The following CFAP61 variants were observed in gnomAD, a reference collection of about 807,000 sequenced individuals.
CFAP61 encodes cilia- and flagella-associated protein 61.
CFAP61 carries 107 observed loss-of-function variants against 135.6 expected under a neutral mutation model. The ratio of observed to expected loss-of-function variants is 0.79; its 90% CI spans 0.67 to 0.93. The LOEUF (loss-of-function observed/expected upper bound fraction) is 0.93, where lower values mean the gene tolerates loss of function less well. Ranked by LOEUF, CFAP61 falls within the 40% of genes least tolerant of loss-of-function variation. The probability of loss-of-function intolerance (pLI) is 0.00; values close to 1 mark genes in which losing one functional copy is unlikely to be tolerated. For missense variants in CFAP61, 1,507 were observed against 1,556.2 expected, an observed-to-expected ratio of 0.97 and a Z score of 0.53; for synonymous variants, 575 against 578.5, an observed-to-expected ratio of 0.99 and a Z score of 0.09.
chr20:20,128,329 C>A lies in CFAP61; in HGVS notation c.860-14528C>A, dbSNP rs902760069. The stretch of plus-strand genomic sequence containing the variant: ...TGTGGTGCCAGGCAGGAATGGCCTG[C>A]CTGGGAACCCAGCGAGTTCCCAGGG... On this transcript the variant is annotated intron_variant, in intron 8 of 26. Transcript: ENST00000245957. Among the ~76,000 whole-genome samples the A allele has an allele frequency of 2.6e-5, 4 of 151,770 alleles. 1 individual carries two copies. Among genetic ancestry groups the A allele is most frequent in the African/African-American group, 4.9e-5 (2 of 41,056 alleles).
At chr20:20,101,948 T>G (rs145366068) in intron 8 of CFAP61, among the ~76,000 whole-genome samples, 104 of 152,280 alleles carry the variant, frequency 6.8e-4, no homozygotes, top group African/African-American at 2.4e-3. Flanking sequence ...CTTTAATAAG[T>G]TATTTAATGA....
intron 7 of CFAP61, among the ~76,000 whole-genome samples, chr20:20,091,732 C>T (rs1293436238): frequency 6.6e-6 from 1 of 152,150 alleles, no homozygotes; most frequent in Non-Finnish European, 1.5e-5. Context: ...GACTGGAGTG[C>T]ACTGTCATGA....
At chr20:20,093,226 TG>T (rs2047331120) in intron 7 of CFAP61, among the ~76,000 whole-genome samples, 1 of 152,116 alleles carries the variant, frequency 6.6e-6, no homozygotes. Context: ...GACCACGTAT[TG>T]TATGATGGCA....
intron 6 of CFAP61, among the ~76,000 whole-genome samples, chr20:20,089,402 A>G (rs1440526734): frequency 6.6e-6 from 1 of 152,058 alleles, no homozygotes; most frequent in Non-Finnish European, 1.5e-5. Context: ...ATATATATAT[A>G]TACTGATCAC....
intron 24 of CFAP61, among the ~76,000 whole-genome samples, chr20:20,292,944 CAG>C (rs1199491512): frequency 6.7e-6 from 1 of 148,342 alleles, no homozygotes; most frequent in African/African-American, 2.4e-5. Context: ...TCTCTCAAGG[CAG>C]AGAGTGTCAG....
At chr20:20,297,585 C>A (rs990969659) in intron 24 of CFAP61, among the ~76,000 whole-genome samples, 16 of 152,176 alleles carry the variant, frequency 1.1e-4, no homozygotes, top group Admixed American at 1.0e-3. Context: ...CAGAAAGTCA[C>A]AAATCCACAC....
chr20:20,306,325 C>T (rs962935836), intron 25 of CFAP61, among the ~76,000 whole-genome samples: 1 of 152,176 alleles, frequency 6.6e-6, no homozygotes, highest in African/African-American at 2.4e-5. Flanking sequence ...GAAACATTTA[C>T]CTCATTTACC....
intron 8 of CFAP61, among the ~76,000 whole-genome samples, chr20:20,104,017 T>C (rs2048205095): frequency 6.6e-6 from 1 of 152,252 alleles, no homozygotes; most frequent in Admixed American, 6.5e-5. Flanking sequence ...TTTGTAAATC[T>C]CATTATATAC....
intron 25 of CFAP61, among the ~76,000 whole-genome samples, chr20:20,333,563 G>A (rs1418426330): frequency 1.3e-5 from 2 of 152,162 alleles, no homozygotes; most frequent in Non-Finnish European, 2.9e-5. Context: ...GCCCATATGT[G>A]TGGCTTCCCA....
At chr20:20,346,120 C>T (rs997743356) in intron 26 of CFAP61, among the ~76,000 whole-genome samples, 1 of 131,668 alleles carries the variant, frequency 7.6e-6, no homozygotes, top group Non-Finnish European at 1.6e-5. Flanking sequence ...CCAGGATGGT[C>T]TCGATCTCCT....
intron 2 of CFAP61, among the ~76,000 whole-genome samples, chr20:20,064,375 T>C (rs1298823451): frequency 1.3e-5 from 2 of 152,232 alleles, no homozygotes; most frequent in Non-Finnish European, 2.9e-5. Flanking sequence ...CCTTTTTGTG[T>C]AAAGGAAGCC....
At chr20:20,181,137 G>C (rs896387986) in intron 13 of CFAP61, among the ~76,000 whole-genome samples, 1 of 150,532 alleles carries the variant, frequency 6.6e-6, no homozygotes, top group East Asian at 1.9e-4. Flanking sequence ...CAACCTTCAC[G>C]CGTACCCCTG....
intron 25 of CFAP61, among the ~76,000 whole-genome samples, chr20:20,308,854 A>G (rs760353091): frequency 6.6e-6 from 1 of 152,192 alleles, no homozygotes; most frequent in Non-Finnish European, 1.5e-5. Flanking sequence ...ATCTGGCAGC[A>G]TGTGGTTGAA....
In CFAP61 at chr20:20,248,738, C is replaced by A. The variant is rs1233691299; in HGVS notation, c.2159+2523C>A. 2.6e-5 allele frequency among the ~76,000 whole-genome samples: 4 copies of A among 152,338 alleles called. No individual in the cohort carries two copies. In the East Asian group the frequency reaches 7.7e-4, roughly 29 times the overall value. On this transcript the variant is annotated intron_variant, in intron 19 of 26. Transcript: ENST00000245957. ...TGATTCCACGAGGTGCAGGTCTCCA[C>A]TGACTCATCTGTGGCCCCCAGAGCT...
intron 16 of CFAP61, 124 bp from the exon 17 acceptor site, chr20:20,199,644 A>T: frequency 1.1e-6 from 1 of 882,956 alleles, no homozygotes; most frequent in East Asian, 3.1e-5. Flanking sequence ...TTATTTGCTG[A>T]TTTTTTTTTT....
chr20:20,318,999 G>T (rs375038810), intron 25 of CFAP61, among the ~76,000 whole-genome samples: 1 of 152,304 alleles, frequency 6.6e-6, no homozygotes, highest in South Asian at 2.1e-4. Context: ...GAAATGCAGG[G>T]TGTAATTCTC....
intron 17 of CFAP61, among the ~76,000 whole-genome samples, chr20:20,227,229 C>T (rs1296278623): frequency 6.6e-6 from 1 of 152,210 alleles, no homozygotes; most frequent in Non-Finnish European, 1.5e-5. Flanking sequence ...AAATCCAAAG[C>T]AGGTTTGACC....
chr20:20,158,152 TAGTG>T (rs147289463), intron 9 of CFAP61, among the ~76,000 whole-genome samples: 28,329 of 151,026 alleles, frequency 0.19, 2,936 homozygotes, highest in Non-Finnish European at 0.24. Flanking sequence ...GATGACGAGT[TAGTG>T]GGTGCAGCGC....
chr20:20,093,434 CTTTT>C (rs11479548), intron 7 of CFAP61, among the ~76,000 whole-genome samples: 10 of 121,938 alleles, frequency 8.2e-5, no homozygotes, highest in Admixed American at 1.7e-4. Context: ...TTGTGTATTT[CTTTT>C]TTTTTTTTTT....
Sources: gnomAD v4.1 joint callset for allele counts (sites outside exome capture counted in the v4.1 genomes callset) on GRCh38, gnomAD v4.1.1 for gene constraint, MANE v1.5 for transcripts, NCBI Gene and HGNC (gene_info 2026-07-23, HGNC 2026-07-21) for gene names.